CSGALNACT1: variants seen among roughly 807,000 people sequenced by gnomAD.
The protein encoded by CSGALNACT1 is beta4GalNAcT-1.
A neutral mutation model predicts 51.0 loss-of-function variants in CSGALNACT1; 52 were observed. The observed-to-expected ratio is 1.02, with a 90% CI of 0.82 to 1.29. CSGALNACT1 has a LOEUF of 1.29. CSGALNACT1 is among the 50% of genes most tolerant of loss of function. The pLI is 0.00. For missense variants in CSGALNACT1, 935 were observed against 679.2 expected (o/e 1.38, Z -4.19); for synonymous variants, 341 against 254.4 (o/e 1.34, Z -3.24).
chr8:19,634,953 A>C (rs141970327), intron 1 of CSGALNACT1, among the ~76,000 whole-genome samples: 3 of 152,376 alleles, frequency 2.0e-5, no homozygotes, highest in East Asian at 3.9e-4. Flanking sequence ...CAGTAGCGCT[A>C]ATCAGACACC....
At chr8:19,543,243 C>A (rs1000974102) in intron 3 of CSGALNACT1, among the ~76,000 whole-genome samples, 6 of 152,134 alleles carry the variant, frequency 3.9e-5, no homozygotes, top group African/African-American at 1.4e-4. Flanking sequence ...ACATTGCCCT[C>A]CCCCATCCTA....
At chr8:19,742,220 A>G (rs2064360214) in intron 1 of CSGALNACT1, among the ~76,000 whole-genome samples, 1 of 151,574 alleles carries the variant, frequency 6.6e-6, no homozygotes, top group South Asian at 2.1e-4. Context: ...TGAGGCTCAA[A>G]GTGGTAAAGT....
intron 1 of CSGALNACT1, among the ~76,000 whole-genome samples, chr8:19,746,977 G>A (rs1290109873): frequency 6.6e-6 from 1 of 152,180 alleles, no homozygotes; most frequent in Admixed American, 6.5e-5. Flanking sequence ...GGTTTAAAGA[G>A]CCAATGCCTC....
intron 6 of CSGALNACT1, among the ~76,000 whole-genome samples, chr8:19,425,018 G>A (rs1203425752): frequency 6.6e-6 from 1 of 152,176 alleles, no homozygotes; most frequent in Non-Finnish European, 1.5e-5. Context: ...CATGCCAAAA[G>A]GAGAATTAAG....
chr8:19,545,512 T>C (rs547639288), intron 3 of CSGALNACT1, among the ~76,000 whole-genome samples: 2 of 152,134 alleles, frequency 1.3e-5, no homozygotes, highest in African/African-American at 4.8e-5. Flanking sequence ...AAAAAGCAGA[T>C]GGCAAGTGTC....
intron 9 of CSGALNACT1, among the ~76,000 whole-genome samples, chr8:19,407,041 T>C (rs540078508): frequency 2.6e-5 from 4 of 152,306 alleles, no homozygotes; most frequent in African/African-American, 9.6e-5. Context: ...TTTGGGAAGC[T>C]GATTTGCACA....
intron 3 of CSGALNACT1, among the ~76,000 whole-genome samples, chr8:19,534,250 G>A (rs1334718335): frequency 3.3e-5 from 5 of 152,062 alleles, no homozygotes; most frequent in African/African-American, 7.2e-5. Flanking sequence ...TCAGGAGTTC[G>A]AGACTAGCCT....
intron 1 of CSGALNACT1, among the ~76,000 whole-genome samples, chr8:19,738,915 C>G (rs2064146356): frequency 6.6e-6 from 1 of 152,026 alleles, no homozygotes; most frequent in Admixed American, 6.5e-5. Flanking sequence ...AGGAAGAGGA[C>G]TTTCAATTAC....
At chr8:19,572,565 T>A (rs1056214850) in intron 3 of CSGALNACT1, among the ~76,000 whole-genome samples, 2 of 152,168 alleles carry the variant, frequency 1.3e-5, no homozygotes, top group Non-Finnish European at 2.9e-5. Flanking sequence ...TACATACTAC[T>A]CACAAAGAAG....
At chr8:19,647,152 G>C (rs2057353526) in intron 1 of CSGALNACT1, among the ~76,000 whole-genome samples, 1 of 152,148 alleles carries the variant, frequency 6.6e-6, no homozygotes, top group Non-Finnish European at 1.5e-5. Context: ...ATCAGGCTGG[G>C]AGAGGTTAGC....
intron 1 of CSGALNACT1, among the ~76,000 whole-genome samples, chr8:19,639,031 A>T (rs1453038069): frequency 6.6e-6 from 1 of 152,032 alleles, no homozygotes; most frequent in African/African-American, 2.4e-5. Flanking sequence ...TATCATGATC[A>T]CCTCTTCTCT....
Position 19,496,720 on chromosome 8 carries a change from T to G in CSGALNACT1, c.634+8481A>C, listed in dbSNP as rs544627228. Among the ~76,000 whole-genome samples the G allele has an allele frequency of 2.4e-3, 362 of 152,276 alleles. 2 individuals carry two copies. The highest frequency in any genetic ancestry group is 4.3e-3 in the Non-Finnish European group (290 of 68,022). ...GCAGGGAGAAAAGAGATATGAGCCC[T>G]TGCTTGGTGGGGCAGATACACTCAG... is the stretch of plus-strand genomic sequence containing the variant. On this transcript the variant is annotated intron_variant, in intron 4 of 9. Transcript: ENST00000454498.
intron 1 of CSGALNACT1, among the ~76,000 whole-genome samples, chr8:19,711,517 A>G (rs2062502668): frequency 6.6e-6 from 1 of 152,206 alleles, no homozygotes; most frequent in Non-Finnish European, 1.5e-5. Context: ...AATAAAGCAA[A>G]CTTATATGGA....
chr8:19,637,264 C>A (rs1053949440), intron 1 of CSGALNACT1, among the ~76,000 whole-genome samples: 16 of 152,110 alleles, frequency 1.1e-4, no homozygotes, highest in African/African-American at 3.6e-4. Flanking sequence ...GAGACTTTCC[C>A]TTTTCTAGTT....
At chr8:19,460,053 C>A (rs934708713) in intron 4 of CSGALNACT1, among the ~76,000 whole-genome samples, 2 of 152,196 alleles carry the variant, frequency 1.3e-5, no homozygotes, top group African/African-American at 4.8e-5. Flanking sequence ...GATCCATTTC[C>A]TTCCACTGTC....
intron 3 of CSGALNACT1, among the ~76,000 whole-genome samples, chr8:19,557,459 C>A (rs1004913797): frequency 3.3e-5 from 5 of 152,190 alleles, no homozygotes; most frequent in African/African-American, 1.2e-4. Flanking sequence ...CCTCCAGGCC[C>A]CTAAAAGACC....
At chr8:19,489,274 GAATGA>G (rs1208232477) in intron 4 of CSGALNACT1, among the ~76,000 whole-genome samples, 1 of 152,138 alleles carries the variant, frequency 6.6e-6, no homozygotes, top group Non-Finnish European at 1.5e-5. Context: ...AGATAGGGAA[GAATGA>G]AATAGTCATA....
chr8:19,448,055 T>G (rs764773209), intron 5 of CSGALNACT1, among the ~76,000 whole-genome samples: 20 of 152,210 alleles, frequency 1.3e-4, no homozygotes, highest in Non-Finnish European at 1.9e-4. Flanking sequence ...AAACAACTGA[T>G]GCTTGTACAG....
At chr8:19,474,881 A>AAAAG (rs1554599620) in intron 4 of CSGALNACT1, among the ~76,000 whole-genome samples, 1 of 150,422 alleles carries the variant, frequency 6.6e-6, no homozygotes, top group Non-Finnish European at 1.5e-5. Flanking sequence ...AAAAAAAAAA[A>AAAAG]AAAAAGAAAA....
Sources: gnomAD v4.1 joint callset for allele counts (sites outside exome capture counted in the v4.1 genomes callset) on GRCh38, gnomAD v4.1.1 for gene constraint, MANE v1.5 for transcripts, NCBI Gene and HGNC (gene_info 2026-07-23, HGNC 2026-07-21) for gene names.